The following VKORC1L1 variants were observed in gnomAD, a reference collection of about 807,000 sequenced individuals.
VKORC1L1 encodes vitamin K epoxide reductase complex subunit 1-like protein 1.
In VKORC1L1, 2 loss-of-function variants were observed where a neutral mutation model predicts 18.9. The observed-to-expected ratio is 0.11, with a 90% CI of 0.04 to 0.33. VKORC1L1 has a LOEUF of 0.33. Among genes scored for constraint, VKORC1L1 ranks in the 10% least tolerant of loss-of-function variants. VKORC1L1 has a pLI of 1.00. For missense variants in VKORC1L1, 123 were observed against 224.1 expected (o/e 0.55, Z 2.88); for synonymous variants, 96 against 100.0 (o/e 0.96, Z 0.24).
At chr7:65,929,383 G>A (rs1789820028) in intron 1 of VKORC1L1, among the ~76,000 whole-genome samples, 1 of 152,106 alleles carries the variant, frequency 6.6e-6, no homozygotes, top group Admixed American at 6.6e-5. Flanking sequence ...CTGCACTGTA[G>A]CCTGGGTGAC....
chr7:65,892,112 G>A (rs1164846772), intron 1 of VKORC1L1, among the ~76,000 whole-genome samples: 3 of 152,138 alleles, frequency 2.0e-5, no homozygotes, highest in Non-Finnish European at 4.4e-5. Flanking sequence ...TGAAAATGAC[G>A]GGATTGCATT....
chr7:65,905,198 T>A (rs528518217), intron 1 of VKORC1L1, among the ~76,000 whole-genome samples: 15 of 152,342 alleles, frequency 9.8e-5, no homozygotes, highest in African/African-American at 3.6e-4. Context: ...ATAAAATATT[T>A]GAAAACAGCT....
intron 1 of VKORC1L1, among the ~76,000 whole-genome samples, chr7:65,926,419 G>T (rs558052701): frequency 5.8e-4 from 89 of 152,246 alleles, no homozygotes; most frequent in African/African-American, 2.0e-3. Context: ...CTCCCAAAGT[G>T]CTGGGATTAT....
At chr7:65,870,851 G>A (rs1788717612), upstream of VKORC1L1, among the ~76,000 whole-genome samples, 1 of 152,090 alleles carries the variant, frequency 6.6e-6, no homozygotes, top group Admixed American at 6.5e-5. Context: ...GGCAACGTTG[G>A]CTCATTGCAG....
intron 1 of VKORC1L1, among the ~76,000 whole-genome samples, chr7:65,916,492 C>G (rs1283305643): frequency 1.3e-5 from 2 of 152,060 alleles, no homozygotes; most frequent in African/African-American, 4.8e-5. Flanking sequence ...TGAAACTAGC[C>G]ATTTCTCTGA....
chr7:65,939,448 G>A (rs568752395), intron 1 of VKORC1L1, among the ~76,000 whole-genome samples: 23 of 152,300 alleles, frequency 1.5e-4, no homozygotes, highest in African/African-American at 5.1e-4. Context: ...CATGGATTTG[G>A]TAATAATGGA....
intron 1 of VKORC1L1, among the ~76,000 whole-genome samples, chr7:65,938,173 G>A (rs1309443249): frequency 6.6e-6 from 1 of 151,998 alleles, no homozygotes; most frequent in Non-Finnish European, 1.5e-5. Context: ...AAGCCGCTGT[G>A]CGACCGAGCG....
chr7:65,934,194 A>AACATAGTG (rs1789904126), intron 1 of VKORC1L1, among the ~76,000 whole-genome samples: 1 of 152,088 alleles, frequency 6.6e-6, no homozygotes, highest in African/African-American at 2.4e-5. Context: ...CCAGAAGTTC[A>AACATAGTG]AGACCAGCCT....
Position 65,936,385 on chromosome 7 carries a change from A to G in VKORC1L1, c.195-12286A>G, listed in dbSNP as rs528350384. On this transcript the variant is annotated intron_variant, in intron 1 of 2. Coordinates refer to ENST00000360768, the MANE Select transcript of VKORC1L1 (RefSeq NM_173517.6). ...AGTGCATCGTCAGTGTATTTTGAAG[A>G]GTATGTTTAAGAGTCTGGGTCCTGT... is the stretch of plus-strand genomic sequence containing the variant. 6.6e-5 allele frequency among the ~76,000 whole-genome samples: 10 copies of G among 152,240 alleles called. No homozygotes were observed. The South Asian group carries it at 2.1e-3, about 32-fold the overall frequency.
intron 1 of VKORC1L1, among the ~76,000 whole-genome samples, chr7:65,879,945 T>C (rs530306353): frequency 1.3e-5 from 2 of 152,040 alleles, no homozygotes; most frequent in African/African-American, 4.8e-5. Context: ...TCAACCTCCC[T>C]GGGTCAAGTG....
chr7:65,904,747 T>C (rs1789376399), intron 1 of VKORC1L1, among the ~76,000 whole-genome samples: 1 of 151,900 alleles, frequency 6.6e-6, no homozygotes, highest in Non-Finnish European at 1.5e-5. Context: ...GACAGCAAAA[T>C]GGTAGATTTA....
chr7:65,881,804 G>A (rs1319848814), intron 1 of VKORC1L1, among the ~76,000 whole-genome samples: 1 of 152,208 alleles, frequency 6.6e-6, no homozygotes, highest in Non-Finnish European at 1.5e-5. Context: ...AGTTGGCCAG[G>A]CACAGTGGCT....
At chr7:65,921,101 G>A (rs915544448) in intron 1 of VKORC1L1, among the ~76,000 whole-genome samples, 11 of 151,828 alleles carry the variant, frequency 7.2e-5, no homozygotes, top group African/African-American at 2.2e-4. Context: ...GTAACTTTTT[G>A]AGATTGATAC....
intron 1 of VKORC1L1, among the ~76,000 whole-genome samples, chr7:65,944,461 G>A (rs1243298873): frequency 6.6e-6 from 1 of 152,084 alleles, no homozygotes; most frequent in Non-Finnish European, 1.5e-5. Context: ...ATTGAAGCTG[G>A]GTGATGGGTA....
chr7:65,899,065 TA>T, intron 1 of VKORC1L1, among the ~76,000 whole-genome samples: 1 of 152,368 alleles, frequency 6.6e-6, no homozygotes, highest in South Asian at 2.1e-4. Context: ...CAGAGCTGAT[TA>T]ATTACATGGT....
Position 65,873,094 on chromosome 7 carries a change from G to C in VKORC1L1, c.-278G>C, listed in dbSNP as rs891922708. Among the ~76,000 whole-genome samples the C allele has an allele frequency of 6.7e-6, 1 of 148,974 alleles. No homozygotes were observed. Among genetic ancestry groups the C allele is most frequent in the African/African-American group, 2.5e-5 (1 of 40,746 alleles). ...GCCTCAGTCTCCGCCCGCCGATCCG[G>C]CCTCTTCGGCCGTTGCGCACTCCAC... On this transcript the variant is annotated 5_prime_UTR_variant, in exon 1 of 3. Coordinates refer to ENST00000360768, the MANE Select transcript of VKORC1L1 (RefSeq NM_173517.6).
At chr7:65,883,549 G>A (rs561912929) in intron 1 of VKORC1L1, among the ~76,000 whole-genome samples, 4 of 152,122 alleles carry the variant, frequency 2.6e-5, no homozygotes, top group South Asian at 2.1e-4. Context: ...ACCCAGGCTG[G>A]AGTGCAGTGG....
chr7:65,929,680 G>A (rs368319309), intron 1 of VKORC1L1, among the ~76,000 whole-genome samples: 8 of 103,790 alleles, frequency 7.7e-5, no homozygotes, highest in Admixed American at 2.2e-4. Context: ...ATGTGTGTGT[G>A]TGTATATATA....
In VKORC1L1 at chr7:65,956,507, G is replaced by A. The variant is rs2115768149; in HGVS notation, c.*2207G>A. ...GCCAGACCCTTCCAGTTTTTCCTTT[G>A]CTTTTCTAAGCCTCGGGGAAACCAC... is the stretch of plus-strand genomic sequence containing the variant. On this transcript the variant is annotated 3_prime_UTR_variant, in exon 3 of 3. Coordinates refer to ENST00000360768, the MANE Select transcript of VKORC1L1 (RefSeq NM_173517.6). 6.6e-6 allele frequency: 1 copy of A among 152,248 alleles called. No individual in the cohort carries two copies. The allele number at this position is 152,248 out of a possible 1,614,324, so 9.4% of individuals were successfully genotyped here.
Sources: gnomAD v4.1 joint callset for allele counts (sites outside exome capture counted in the v4.1 genomes callset) on GRCh38, gnomAD v4.1.1 for gene constraint, MANE v1.5 for transcripts, NCBI Gene and HGNC (gene_info 2026-07-23, HGNC 2026-07-21) for gene names.